PCCA: variants seen among roughly 807,000 people sequenced by gnomAD.
PCCA encodes the protein propionyl-CoA carboxylase alpha chain, mitochondrial.
PCCA carries 74 observed loss-of-function variants against 101.3 expected under a neutral mutation model. The ratio of observed to expected loss-of-function variants is 0.73; its 90% CI spans 0.61 to 0.89. PCCA has a LOEUF of 0.89. Among genes scored for constraint, PCCA ranks in the 40% least tolerant of loss-of-function variants. The pLI, the probability that PCCA is intolerant of heterozygous loss-of-function variation, is 0.00. For synonymous variants in PCCA, 294 were observed against 313.6 expected, an observed-to-expected ratio of 0.94 and a Z score of 0.66; for missense variants, 891 against 907.0, an observed-to-expected ratio of 0.98 and a Z score of 0.23.
chr13:100,478,260 G>A (rs371794400), intron 21 of PCCA, among the ~76,000 whole-genome samples: 113 of 152,288 alleles, frequency 7.4e-4, no homozygotes, highest in Middle Eastern at 6.8e-3. Context: ...CTGAGGAGCG[G>A]TCTGTCGCCA....
intron 8 of PCCA, among the ~76,000 whole-genome samples, chr13:100,241,013 G>A (rs2061096053): frequency 6.6e-6 from 1 of 152,056 alleles, no homozygotes; most frequent in African/African-American, 2.4e-5. Flanking sequence ...ATCCTTCCAA[G>A]TCAGTTCTCG....
chr13:100,410,167 G>A (rs1312841188), intron 19 of PCCA, among the ~76,000 whole-genome samples: 1 of 152,204 alleles, frequency 6.6e-6, no homozygotes, highest in Non-Finnish European at 1.5e-5. Context: ...AAACGTGACT[G>A]TCCAAATAGC....
chr13:100,351,694 T>C (rs905381412), intron 18 of PCCA, among the ~76,000 whole-genome samples: 2 of 152,220 alleles, frequency 1.3e-5, no homozygotes, highest in African/African-American at 4.8e-5. Context: ...CAGTTTACTT[T>C]AGAACTACCT....
At chr13:100,420,989 C>G (rs2078707654) in intron 19 of PCCA, among the ~76,000 whole-genome samples, 1 of 152,118 alleles carries the variant, frequency 6.6e-6, no homozygotes. Flanking sequence ...GGCCAATCAT[C>G]TGAGGTCAGG....
rs1315226987 is a variant in PCCA, at chr13:100,515,761, G to C, written c.2040+194G>C. On this transcript the variant is annotated intron_variant, in intron 22 of 23. Transcript: ENST00000376285. ...TTACGTTGGTGCCAGGACCCTCAGC[G>C]CTTCCCCTCCCAAATGATCTGGGAG... 4.6e-5 allele frequency among the ~76,000 whole-genome samples: 7 copies of C among 152,208 alleles called. No individual in the cohort carries two copies. In the East Asian group the frequency reaches 1.3e-3, roughly 29 times the overall value.
At chr13:100,224,146 G>A (rs543937844) in intron 7 of PCCA, among the ~76,000 whole-genome samples, 1 of 152,226 alleles carries the variant, frequency 6.6e-6, no homozygotes. Context: ...GCCCAGGGAG[G>A]GGGTGGGAGG....
rs145566862 is a variant in PCCA, at chr13:100,180,913, G to T, written c.468+23573G>T. 7.2e-5 allele frequency among the ~76,000 whole-genome samples: 11 copies of T among 152,306 alleles called. No individual in the cohort carries two copies. In the East Asian group the frequency reaches 1.5e-3, roughly 21 times the overall value. On this transcript the variant is annotated intron_variant, in intron 6 of 23. Transcript: ENST00000376285. ...CTTCCCTGACAATTATTGATTCAGGGATTAATCAAGGCTTAAGCCATTGTG... is the reference window on the plus strand; with the variant it reads ...CTTCCCTGACAATTATTGATTCAGGTATTAATCAAGGCTTAAGCCATTGTG...
intron 21 of PCCA, among the ~76,000 whole-genome samples, chr13:100,459,323 A>G (rs1566366789): frequency 6.6e-6 from 1 of 152,230 alleles, no homozygotes; most frequent in Non-Finnish European, 1.5e-5. Flanking sequence ...CCAGTATGCT[A>G]TATAGATCTG....
At chr13:100,452,982 T>G (rs940048404) in intron 21 of PCCA, among the ~76,000 whole-genome samples, 1 of 152,000 alleles carries the variant, frequency 6.6e-6, no homozygotes, top group Non-Finnish European at 1.5e-5. Context: ...GGTAGGAGGA[T>G]CACTTGAGCC....
intron 8 of PCCA, among the ~76,000 whole-genome samples, chr13:100,238,812 A>G (rs1323427907): frequency 1.3e-5 from 2 of 152,202 alleles, no homozygotes; most frequent in Admixed American, 1.3e-4. Flanking sequence ...ATTGAGATAT[A>G]TCACATTTTA....
At chr13:100,333,482 T>C (rs1280828410) in intron 17 of PCCA, among the ~76,000 whole-genome samples, 2 of 152,254 alleles carry the variant, frequency 1.3e-5, no homozygotes, top group African/African-American at 4.8e-5. Context: ...AAGCCAGTTT[T>C]ACTAGAGATT....
chr13:100,492,639 G>A (rs1479992685), intron 21 of PCCA, among the ~76,000 whole-genome samples: 1 of 151,330 alleles, frequency 6.6e-6, no homozygotes, highest in Non-Finnish European at 1.5e-5. Flanking sequence ...GCCCTAAATG[G>A]GAACAGGCAT....
At chr13:100,376,783 T>C (rs2075933731) in intron 19 of PCCA, among the ~76,000 whole-genome samples, 2 of 152,170 alleles carry the variant, frequency 1.3e-5, no homozygotes, top group African/African-American at 4.8e-5. Context: ...CTTGGCTCCT[T>C]GGCTTCAGCC....
At chr13:100,136,382 C>T (rs1157727103) in intron 4 of PCCA, among the ~76,000 whole-genome samples, 5 of 151,900 alleles carry the variant, frequency 3.3e-5, no homozygotes, top group Non-Finnish European at 5.9e-5. Context: ...GGTGGGGTTT[C>T]TCCATGTTGG....
intron 6 of PCCA, among the ~76,000 whole-genome samples, chr13:100,204,288 C>T (rs1438935286): frequency 2.0e-5 from 3 of 152,162 alleles, no homozygotes; most frequent in African/African-American, 7.2e-5. Flanking sequence ...CACAGGTATA[C>T]ACCACCATGC....
At chr13:100,452,465 G>A (rs1043087387) in intron 21 of PCCA, among the ~76,000 whole-genome samples, 1 of 152,122 alleles carries the variant, frequency 6.6e-6, no homozygotes, top group Non-Finnish European at 1.5e-5. Flanking sequence ...ACATGCCTTA[G>A]GGTCTCTGCC....
At chr13:100,236,971 C>T (rs1000061010) in intron 8 of PCCA, 1 of 152,164 alleles carries the variant, frequency 6.6e-6, no homozygotes, top group African/African-American at 2.4e-5. Context: ...GTAGGGATCC[C>T]AGCGTCTTCT....
intron 8 of PCCA, among the ~76,000 whole-genome samples, chr13:100,250,911 T>A (rs1349683120): frequency 6.6e-6 from 1 of 152,204 alleles, no homozygotes; most frequent in Non-Finnish European, 1.5e-5. Context: ...CTTCCTGTCC[T>A]TTGGTTCATA....
At chr13:100,105,855 A>G (rs1457306487) in intron 2 of PCCA, among the ~76,000 whole-genome samples, 1 of 50,624 alleles carries the variant, frequency 2.0e-5, no homozygotes, top group South Asian at 1.2e-3. Context: ...AAAAAAAAAA[A>G]AAAAAAAAAA....
Sources: allele counts gnomAD v4.1 joint callset (sites outside exome capture counted in the v4.1 genomes callset), GRCh38; gene constraint gnomAD v4.1.1; transcripts MANE v1.5; gene names NCBI Gene and HGNC (gene_info 2026-07-23, HGNC 2026-07-21).